PITPNC1: variants seen among roughly 807,000 people sequenced by gnomAD.
The protein encoded by PITPNC1 is cytoplasmic phosphatidylinositol transfer protein 1.
In PITPNC1, 18 loss-of-function variants were observed where a neutral mutation model predicts 44.7. That is an observed-to-expected ratio of 0.40 (90% CI 0.28 to 0.60). The LOEUF (loss-of-function observed/expected upper bound fraction) is 0.60. Ranked by LOEUF, PITPNC1 falls within the 20% of genes least tolerant of loss-of-function variation. The pLI, the probability that PITPNC1 is intolerant of heterozygous loss-of-function variation, is 0.39. For synonymous variants in PITPNC1, 141 were observed against 149.6 expected, an observed-to-expected ratio of 0.94 and a Z score of 0.42; for missense variants, 290 against 418.4, an observed-to-expected ratio of 0.69 and a Z score of 2.68.
Position 67,378,217 on chromosome 17 carries a change from C to T in PITPNC1, c.48+15C>T. 2 of 1,510,264 alleles carry T rather than the reference C, an allele frequency of 1.3e-6. No individual in the cohort carries two copies. Among genetic ancestry groups the T allele is most frequent in the Non-Finnish European group, 1.8e-6 (2 of 1,130,272 alleles). 93.6% of individuals were successfully genotyped at this position (1,510,264 alleles called of 1,614,324 possible). A position where few individuals can be genotyped will look rare whatever the true frequency, so the allele number is the denominator to read the frequency against. On this transcript the variant is annotated intron_variant, in intron 1 of 8. Coordinates refer to ENST00000581322, the MANE Select transcript of PITPNC1 (RefSeq NM_012417.4). ...CCGTAGACGAGGTAAGCGCCGCGCC[C>T]GGCCCGGCCTCGCCCGCTCCGGGAC...
intron 7 of PITPNC1, among the ~76,000 whole-genome samples, chr17:67,672,007 T>C (rs550495890): frequency 2.3e-4 from 35 of 152,180 alleles, no homozygotes; most frequent in African/African-American, 7.9e-4. Context: ...TGATCTCGGC[T>C]CACTGCAACC....
chr17:67,673,523 G>T lies in PITPNC1; in HGVS notation c.619-1956G>T, dbSNP rs77969503. 2.2e-3 allele frequency among the ~76,000 whole-genome samples: 338 copies of T among 152,120 alleles called. 1 individual carries two copies. Among genetic ancestry groups the T allele is most frequent in the African/African-American group, 8.0e-3 (332 of 41,470 alleles). On this transcript the variant is annotated intron_variant, in intron 7 of 8. Coordinates refer to ENST00000581322, the MANE Select transcript of PITPNC1 (RefSeq NM_012417.4). Reference sequence around the variant, plus strand: ...CAGTCAAGCTTGTCATTCCCATTACGTTCTATTCTAGTTCAGGTCTCTTTT... The same window carrying T: ...CAGTCAAGCTTGTCATTCCCATTACTTTCTATTCTAGTTCAGGTCTCTTTT...
chr17:67,486,298 G>A (rs547381305), intron 1 of PITPNC1, among the ~76,000 whole-genome samples: 1 of 152,248 alleles, frequency 6.6e-6, no homozygotes, highest in South Asian at 2.1e-4. Flanking sequence ...ATTGATGGTG[G>A]TGTTTTCATG....
At chr17:67,453,034 T>C (rs549002556) in intron 1 of PITPNC1, among the ~76,000 whole-genome samples, 5 of 152,148 alleles carry the variant, frequency 3.3e-5, no homozygotes, top group Non-Finnish European at 7.3e-5. Flanking sequence ...TTATAGAACA[T>C]GTTGTGTTGT....
In PITPNC1 at chr17:67,626,505, G is replaced by A. The variant is rs940304954; in HGVS notation, c.367-5638G>A. 2.6e-5 allele frequency among the ~76,000 whole-genome samples: 4 copies of A among 152,128 alleles called. No individual in the cohort carries two copies. The East Asian group carries it at 7.7e-4, about 29-fold the overall frequency. On this transcript the variant is annotated intron_variant, in intron 5 of 8. Coordinates refer to ENST00000581322, the MANE Select transcript of PITPNC1 (RefSeq NM_012417.4). ...CTGCCTCAGCCTCCCTAGTAGCTGGGATTACAGGCACATGCCACCACACCC... is the reference window on the plus strand; with the variant it reads ...CTGCCTCAGCCTCCCTAGTAGCTGGAATTACAGGCACATGCCACCACACCC...
chr17:67,414,006 A>G (rs1246954792), intron 1 of PITPNC1, among the ~76,000 whole-genome samples: 1 of 152,080 alleles, frequency 6.6e-6, no homozygotes, highest in Non-Finnish European at 1.5e-5. Flanking sequence ...TGATGATAAC[A>G]TGTTACCTTA....
rs371354995 is a variant in PITPNC1, at chr17:67,667,079, G to GA, written c.463-2428dup. Among the ~76,000 whole-genome samples the GA allele has an allele frequency of 3.9e-3, 592 of 152,342 alleles. 3 individuals carry two copies. The highest frequency in any genetic ancestry group is 0.014 in the African/African-American group (578 of 41,582). On this transcript the variant is annotated intron_variant, in intron 6 of 8. Coordinates refer to ENST00000581322, the MANE Select transcript of PITPNC1 (RefSeq NM_012417.4). ...GACTGCCAGGTTTCTCCTGGGAGGG[G>GA]AGATGCCAATTTTCTGCTTCAGCCT...
At position 67,428,447 on chromosome 17, in the gene PITPNC1, G is replaced by A. The variant is rs114506885; in HGVS notation, c.48+50245G>A. Among the ~76,000 whole-genome samples the A allele has an allele frequency of 6.6e-3, 995 of 151,740 alleles. 15 individuals carry two copies. The highest frequency in any genetic ancestry group is 0.023 in the African/African-American group (938 of 41,364). ...CCTAGCTAATCGAGAGGCTAAGGTG[G>A]GAGGATTCCTTGAGCCCAGGAGGAT... On this transcript the variant is annotated intron_variant, in intron 1 of 8. Transcript: ENST00000581322.
At chr17:67,586,455 C>T (rs1046031055) in intron 5 of PITPNC1, among the ~76,000 whole-genome samples, 8 of 147,160 alleles carry the variant, frequency 5.4e-5, no homozygotes, top group Middle Eastern at 3.5e-3. Flanking sequence ...ATTAGCTGGG[C>T]GTGGTGGTGC....
intron 8 of PITPNC1, chr17:67,687,035 C>G (rs1567781215): frequency 8.1e-7 from 1 of 1,241,984 alleles, no homozygotes; most frequent in Non-Finnish European, 1.2e-6. Context: ...CATCTAATAA[C>G]GGAAGTTGCC....
intron 4 of PITPNC1, among the ~76,000 whole-genome samples, chr17:67,559,164 C>G (rs1052051330): frequency 3.3e-5 from 5 of 152,196 alleles, no homozygotes; most frequent in African/African-American, 7.2e-5. Context: ...CTTTCTTAAG[C>G]CTTTCTTCCC....
At chr17:67,586,892 C>CCAGA (rs2041325603) in intron 5 of PITPNC1, among the ~76,000 whole-genome samples, 1 of 152,088 alleles carries the variant, frequency 6.6e-6, no homozygotes, top group Non-Finnish European at 1.5e-5. Context: ...TTGGAATGAT[C>CCAGA]CAGACCAAGA....
chr17:67,436,717 G>A (rs2038941519), intron 1 of PITPNC1, among the ~76,000 whole-genome samples: 1 of 151,926 alleles, frequency 6.6e-6, no homozygotes, highest in Non-Finnish European at 1.5e-5. Context: ...CTGAGACCAG[G>A]GAAAACCCAA....
chr17:67,552,220 C>A, intron 2 of PITPNC1, 37 bp from the exon 3 acceptor site: 1 of 1,025,108 alleles, frequency 9.8e-7, no homozygotes, highest in Non-Finnish European at 1.6e-6. Context: ...AGACTCTGAA[C>A]AGACTCCAAT....
chr17:67,501,244 G>A (rs1409607222), intron 1 of PITPNC1, among the ~76,000 whole-genome samples: 2 of 151,946 alleles, frequency 1.3e-5, no homozygotes, highest in East Asian at 1.9e-4. Context: ...ATTTACCATC[G>A]ACTATTCCTT....
At chr17:67,636,125 C>T (rs546096670) in intron 6 of PITPNC1, among the ~76,000 whole-genome samples, 15 of 151,926 alleles carry the variant, frequency 9.9e-5, no homozygotes, top group African/African-American at 3.4e-4. Flanking sequence ...GGTGAAACCT[C>T]GTTTCTTCTA....
At chr17:67,422,687 A>C (rs1279062755) in intron 1 of PITPNC1, among the ~76,000 whole-genome samples, 2 of 152,010 alleles carry the variant, frequency 1.3e-5, no homozygotes, top group Admixed American at 6.6e-5. Context: ...AGCTGGGATT[A>C]GACTACTACA....
rs182101483 is a variant in PITPNC1 at position 67,471,589 on chromosome 17, G to A, written c.49-61213G>A. The A allele has an allele frequency of 3.0e-3, 1,095 of 362,500 alleles. 3 individuals are homozygous for A. The highest frequency in any genetic ancestry group is 4.4e-3 in the South Asian group (200 of 44,956). The allele number at this position is 362,500 out of a possible 1,614,324, so 22.5% of individuals were successfully genotyped here. On this transcript the variant is annotated intron_variant, in intron 1 of 8. Coordinates refer to ENST00000581322, the MANE Select transcript of PITPNC1 (RefSeq NM_012417.4). The stretch of plus-strand genomic sequence containing the variant: ...ACCAACCTAAATCTTCCCTCTCTCT[G>A]GATTTGCAATTATTCTGTAAATCTA...
At chr17:67,546,584 C>T (rs950976763) in intron 2 of PITPNC1, among the ~76,000 whole-genome samples, 5 of 152,184 alleles carry the variant, frequency 3.3e-5, no homozygotes, top group African/African-American at 4.8e-5. Flanking sequence ...TGTCCTGTGT[C>T]GCCTTGCCAG....
Sources: allele counts gnomAD v4.1 joint callset (sites outside exome capture counted in the v4.1 genomes callset), GRCh38; gene constraint gnomAD v4.1.1; transcripts MANE v1.5; gene names NCBI Gene and HGNC (gene_info 2026-07-23, HGNC 2026-07-21).